The following SETBP1 variants were observed in gnomAD, a reference collection of about 807,000 sequenced individuals.
The protein encoded by SETBP1 is SET binding protein 1.
In SETBP1, 9 loss-of-function variants were observed where a neutral mutation model predicts 101.0. The observed-to-expected ratio is 0.09, with a 90% CI of 0.05 to 0.16. The LOEUF is 0.16. Ranked by LOEUF, SETBP1 falls within the 10% of genes least tolerant of loss-of-function variation. The pLI is 1.00. For synonymous variants in SETBP1, 818 were observed against 788.5 expected (o/e 1.04, Z -0.63); for missense variants, 1,858 against 2,033.8 (o/e 0.91, Z 1.66).
At chr18:45,025,351 C>G (rs1314067118) in intron 4 of SETBP1, among the ~76,000 whole-genome samples, 1 of 152,206 alleles carries the variant, frequency 6.6e-6, no homozygotes, top group African/African-American at 2.4e-5. Flanking sequence ...AATAAGCACT[C>G]TGTGTTTATT....
chr18:44,807,482 G>T (rs1034652930), intron 2 of SETBP1, among the ~76,000 whole-genome samples: 17 of 151,898 alleles, frequency 1.1e-4, no homozygotes, highest in Non-Finnish European at 2.2e-4. Context: ...TTGTTTGTTT[G>T]TTTGTTTGTT....
At chr18:44,722,148 G>T (rs1279321353) in intron 2 of SETBP1, among the ~76,000 whole-genome samples, 1 of 152,258 alleles carries the variant, frequency 6.6e-6, no homozygotes, top group African/African-American at 2.4e-5. Flanking sequence ...GGACATGCAT[G>T]TGTGTACCGA....
intron 4 of SETBP1, among the ~76,000 whole-genome samples, chr18:45,022,150 T>A (rs1568033343): frequency 6.6e-6 from 1 of 152,064 alleles, no homozygotes; most frequent in Non-Finnish European, 1.5e-5. Context: ...CATGGCTGAG[T>A]GTTTATGGTT....
intron 2 of SETBP1, among the ~76,000 whole-genome samples, chr18:44,798,342 A>G (rs2071526803): frequency 6.6e-6 from 1 of 152,166 alleles, no homozygotes; most frequent in Admixed American, 6.5e-5. Context: ...TACTCATGAG[A>G]AAATTGGGCC....
chr18:45,044,234 C>A (rs1363288529), intron 5 of SETBP1, among the ~76,000 whole-genome samples: 1 of 152,108 alleles, frequency 6.6e-6, no homozygotes, highest in African/African-American at 2.4e-5. Flanking sequence ...TTCCTTTGTG[C>A]CCAGTCTAAA....
chr18:45,043,438 A>AG (rs2073550723), intron 5 of SETBP1, among the ~76,000 whole-genome samples: 1 of 147,348 alleles, frequency 6.8e-6, no homozygotes, highest in South Asian at 2.1e-4. Flanking sequence ...AAGTCCAAGG[A>AG]GAAAAAAAAA....
chr18:44,830,969 G>A (rs1442719504), intron 2 of SETBP1, among the ~76,000 whole-genome samples: 1 of 152,216 alleles, frequency 6.6e-6, no homozygotes, highest in Non-Finnish European at 1.5e-5. Flanking sequence ...GGAGGATGGG[G>A]AATATGTATC....
intron 4 of SETBP1, chr18:44,987,721 G>GA (rs1403457174): frequency 6.6e-6 from 1 of 152,130 alleles, no homozygotes; most frequent in African/African-American, 2.4e-5. Context: ...GCTTGCTGTG[G>GA]AAAAATACAC....
intron 2 of SETBP1, among the ~76,000 whole-genome samples, chr18:44,720,911 C>CAA (rs2069575798): frequency 7.2e-6 from 1 of 138,964 alleles, no homozygotes; most frequent in Non-Finnish European, 1.6e-5. Flanking sequence ...ACCCCCACCC[C>CAA]CCACCCCAAC....
intron 3 of SETBP1, among the ~76,000 whole-genome samples, chr18:44,875,128 T>G (rs2069367293): frequency 6.6e-6 from 1 of 152,208 alleles, no homozygotes; most frequent in African/African-American, 2.4e-5. Context: ...TTGCTTGTTC[T>G]TCTAGGGTTG....
chr18:44,740,821 T>C (rs550552499), intron 2 of SETBP1, among the ~76,000 whole-genome samples: 15 of 152,334 alleles, frequency 9.8e-5, no homozygotes, highest in Middle Eastern at 3.4e-3. Context: ...TTTAATTGGT[T>C]TTAATTTAGT....
chr18:44,962,913 G>A (rs113628317), intron 4 of SETBP1, among the ~76,000 whole-genome samples: 2 of 152,052 alleles, frequency 1.3e-5, no homozygotes, highest in African/African-American at 4.8e-5. Flanking sequence ...GAGATAAAAA[G>A]CTTTCCCTGA....
intron 3 of SETBP1, among the ~76,000 whole-genome samples, chr18:44,913,780 C>T (rs933694195): frequency 5.9e-5 from 9 of 152,222 alleles, no homozygotes; most frequent in Non-Finnish European, 1.2e-4. Flanking sequence ...TCTCAGGCAT[C>T]TTTGAATGGC....
At chr18:44,740,455 G>A (rs2070071860) in intron 2 of SETBP1, among the ~76,000 whole-genome samples, 1 of 152,160 alleles carries the variant, frequency 6.6e-6, no homozygotes, top group Non-Finnish European at 1.5e-5. Flanking sequence ...TGCCCAACTT[G>A]CCTCAAGAAT....
At chr18:44,829,591 C>G (rs1053123827) in intron 2 of SETBP1, among the ~76,000 whole-genome samples, 1 of 152,172 alleles carries the variant, frequency 6.6e-6, no homozygotes, top group Non-Finnish European at 1.5e-5. Flanking sequence ...CTCAACTCAT[C>G]ATTAGGCACC....
At chr18:45,012,385 G>C (rs958117031) in intron 4 of SETBP1, among the ~76,000 whole-genome samples, 6 of 152,170 alleles carry the variant, frequency 3.9e-5, no homozygotes, top group African/African-American at 1.4e-4. Flanking sequence ...CCAGGGTGTA[G>C]AGATTGCCCC....
At chr18:44,775,473 A>T (rs2070978654) in intron 2 of SETBP1, among the ~76,000 whole-genome samples, 2 of 152,334 alleles carry the variant, frequency 1.3e-5, no homozygotes, top group South Asian at 4.1e-4. Flanking sequence ...AGAATTCAGT[A>T]CTTCAGTTCT....
At chr18:44,981,784 TA>T (rs2072119018) in intron 4 of SETBP1, among the ~76,000 whole-genome samples, 1 of 152,224 alleles carries the variant, frequency 6.6e-6, no homozygotes, top group Admixed American at 6.5e-5. Flanking sequence ...TTCGTATGTC[TA>T]AAGAAGGCAA....
rs2069359965 is a variant in SETBP1 at position 44,874,825 on chromosome 18, A to G, written c.540+5542A>G. Among the ~76,000 whole-genome samples the G allele has an allele frequency of 3.9e-5, 6 of 152,250 alleles. No individual in the cohort carries two copies. In the South Asian group the frequency reaches 1.2e-3, roughly 31 times the overall value. On this transcript the variant is annotated intron_variant, in intron 3 of 5. Transcript: ENST00000649279. ...TCCTGGGTTCCATGAGTCCTCAACC[A>G]GAAGTTTTAATGCCAAACCCCAAAG...
Sources: gnomAD v4.1 joint callset for allele counts (sites outside exome capture counted in the v4.1 genomes callset) on GRCh38, gnomAD v4.1.1 for gene constraint, MANE v1.5 for transcripts, NCBI Gene and HGNC (gene_info 2026-07-23, HGNC 2026-07-21) for gene names.